The following SLC38A1 variants were observed in gnomAD, a reference collection of about 807,000 sequenced individuals.
SLC38A1 encodes sodium-coupled neutral amino acid symporter 1.
A neutral mutation model predicts 60.3 loss-of-function variants in SLC38A1; 18 were observed. The observed-to-expected ratio is 0.30, with a 90% CI of 0.21 to 0.44. SLC38A1 has a LOEUF of 0.44. Among genes scored for constraint, SLC38A1 ranks in the 20% least tolerant of loss-of-function variants. The pLI, the probability that SLC38A1 is intolerant of heterozygous loss-of-function variation, is 1.00. For missense variants in SLC38A1, 448 were observed against 587.2 expected (o/e 0.76, Z 2.45); for synonymous variants, 196 against 212.1 (o/e 0.92, Z 0.66).
intron 1 of SLC38A1, among the ~76,000 whole-genome samples, chr12:46,264,868 G>A (rs1942304957): frequency 6.6e-6 from 1 of 152,086 alleles, no homozygotes; most frequent in South Asian, 2.1e-4. Context: ...ATTCTTCAAA[G>A]TACTTCTGTG....
chr12:46,237,292 G>A (rs1376987628), intron 3 of SLC38A1, among the ~76,000 whole-genome samples: 1 of 152,192 alleles, frequency 6.6e-6, no homozygotes, highest in Non-Finnish European at 1.5e-5. Context: ...TTTAGGTGTA[G>A]TTTTTGCAGG....
intron 5 of SLC38A1, among the ~76,000 whole-genome samples, chr12:46,220,494 A>G (rs78770976): frequency 0.026 from 3,955 of 152,304 alleles, 78 homozygotes; most frequent in Admixed American, 0.035. Flanking sequence ...GGGTTTCCTT[A>G]TTGACTTCCT....
intron 3 of SLC38A1, among the ~76,000 whole-genome samples, chr12:46,231,103 G>A (rs1183718947): frequency 7.5e-6 from 1 of 132,924 alleles, no homozygotes; most frequent in African/African-American, 2.6e-5. Context: ...TGTATACCAC[G>A]GAATACTATG....
chr12:46,232,889 G>T (rs1941128309), intron 3 of SLC38A1, among the ~76,000 whole-genome samples: 1 of 151,958 alleles, frequency 6.6e-6, no homozygotes, highest in Admixed American at 6.5e-5. Context: ...TTTTAAATTT[G>T]CATTTTTTAA....
chr12:46,194,655 T>C (rs1592061319), intron 16 of SLC38A1, among the ~76,000 whole-genome samples: 1 of 152,216 alleles, frequency 6.6e-6, no homozygotes, highest in East Asian at 1.9e-4. Flanking sequence ...TTCTGTATTC[T>C]TCTCACTTTA....
intron 1 of SLC38A1, among the ~76,000 whole-genome samples, chr12:46,253,567 T>TA (rs1941929687): frequency 6.6e-6 from 1 of 152,222 alleles, no homozygotes; most frequent in Admixed American, 6.5e-5. Context: ...TGGTGGGTTT[T>TA]AGCCAGCTTC....
chr12:46,259,328 C>G (rs1942129152), intron 1 of SLC38A1, among the ~76,000 whole-genome samples: 1 of 152,122 alleles, frequency 6.6e-6, no homozygotes, highest in Non-Finnish European at 1.5e-5. Flanking sequence ...TAACATGGAT[C>G]TATATTTCAA....
intron 11 of SLC38A1, 80 bp from the exon 12 acceptor site, chr12:46,203,169 CTTTTT>C: frequency 8.6e-7 from 1 of 1,156,784 alleles, no homozygotes; most frequent in Non-Finnish European, 1.3e-6. Flanking sequence ...TCTGAGCTGT[CTTTTT>C]ATCTGACAGC....
In SLC38A1 at chr12:46,189,020, A is replaced by G. The variant is rs747873149; in HGVS notation, c.1414T>C (p.Leu472=). The part of the protein sequence containing the change: ...GVLFSLVSIP[L]VIYDWACSSS... ...GAGCAGGCCCAGTCATAGATGACCA[A>G]GGGAATGCTGACCAAGGAGAACAAC... The change falls in exon 17 of 17, where the codon TTG becomes CTG. Residue 472 remains leucine (L), a synonymous_variant. Coordinates refer to ENST00000398637, the MANE Select transcript of SLC38A1 (RefSeq NM_030674.4). The G allele has an allele frequency of 2.7e-5, 43 of 1,613,874 alleles. No individual in the cohort carries two copies. Among genetic ancestry groups the G allele is most frequent in the Non-Finnish European group, 3.6e-5 (42 of 1,179,848 alleles).
intron 1 of SLC38A1, among the ~76,000 whole-genome samples, chr12:46,251,852 G>T (rs1431679526): frequency 6.6e-6 from 1 of 152,110 alleles, no homozygotes; most frequent in Non-Finnish European, 1.5e-5. Context: ...AGGCTGGAGA[G>T]GATGTGGAGA....
rs1307420531 is a variant in SLC38A1 at position 46,188,498 on chromosome 12, A to G, written c.*472T>C. ...AACCAAAATAGGCAAATTATTTACG[A>G]AACCATTTTTTTCTGTAAAGCAAAA... On this transcript the variant is annotated 3_prime_UTR_variant, in exon 17 of 17. Coordinates refer to ENST00000398637, the MANE Select transcript of SLC38A1 (RefSeq NM_030674.4). The G allele has an allele frequency of 2.6e-5, 4 of 153,184 alleles. No homozygotes were observed. In the East Asian group the frequency reaches 7.7e-4, roughly 29 times the overall value. 9.5% of individuals were successfully genotyped at this position (153,184 alleles called of 1,614,324 possible).
At chr12:46,232,332 C>A (rs981698155) in intron 3 of SLC38A1, among the ~76,000 whole-genome samples, 2 of 152,174 alleles carry the variant, frequency 1.3e-5, no homozygotes, top group East Asian at 1.9e-4. Flanking sequence ...AAGGAAAAAA[C>A]CAGCACAGAC....
chr12:46,186,799 A>C lies in SLC38A1; in HGVS notation c.*2171T>G, dbSNP rs1035417969. On this transcript the variant is annotated 3_prime_UTR_variant, in exon 17 of 17. Transcript: ENST00000398637. ...CAGTTAATGATAAGGTTCTAAATTGACTTTGTGAGGGTAAAATGAATTGCT... is the reference window on the plus strand; with the variant it reads ...CAGTTAATGATAAGGTTCTAAATTGCCTTTGTGAGGGTAAAATGAATTGCT... 2 of 152,222 alleles carry C rather than the reference A, an allele frequency of 1.3e-5. No homozygotes were observed. Among genetic ancestry groups the C allele is most frequent in the African/African-American group, 4.8e-5 (2 of 41,468 alleles). 9.4% of individuals were successfully genotyped at this position (152,222 alleles called of 1,614,324 possible). A position where few individuals can be genotyped will look rare whatever the true frequency, so the allele number is the denominator to read the frequency against.
intron 3 of SLC38A1, 62 bp from the exon 4 acceptor site, chr12:46,229,701 C>T: frequency 2.9e-6 from 4 of 1,374,944 alleles, no homozygotes; most frequent in Non-Finnish European, 4.1e-6. Context: ...GACATCTTTA[C>T]TAAATGATAT....
In SLC38A1 at chr12:46,239,857, A is replaced by T; in HGVS notation, c.-57T>A. ...TCCAAATTTCTCCTGTTCTGAGTGT[A>T]TTTAGAAGTAGATACCAAAATGGAA... On this transcript the variant is annotated 5_prime_UTR_variant, in exon 3 of 17. Transcript: ENST00000398637. 1.3e-6 allele frequency: 2 copies of T among 1,584,814 alleles called. No individual in the cohort carries two copies. The highest frequency in any genetic ancestry group is 1.7e-6 in the Non-Finnish European group (2 of 1,161,092).
chr12:46,192,925 A>C (rs1007736384), intron 16 of SLC38A1, among the ~76,000 whole-genome samples: 1 of 151,934 alleles, frequency 6.6e-6, no homozygotes, highest in African/African-American at 2.4e-5. Context: ...TTGTATCTCT[A>C]TCTCCTTCAA....
At chr12:46,196,032 A>G in intron 16 of SLC38A1, 6 of 986,112 alleles carry the variant, frequency 6.1e-6, no homozygotes, top group African/African-American at 1.6e-5. Context: ...CATCTTCTAC[A>G]TCGATCTTGC....
At chr12:46,216,116 C>A (rs147462531) in intron 5 of SLC38A1, among the ~76,000 whole-genome samples, 5 of 152,150 alleles carry the variant, frequency 3.3e-5, no homozygotes, top group African/African-American at 1.2e-4. Context: ...TTCTAGTCTA[C>A]CTTTCTCAAG....
At chr12:46,230,753 A>T (rs1337699915) in intron 3 of SLC38A1, among the ~76,000 whole-genome samples, 3 of 152,330 alleles carry the variant, frequency 2.0e-5, no homozygotes, top group Admixed American at 6.5e-5. Flanking sequence ...TTTCTAATTT[A>T]AAAAAATTAT....
Sources: allele counts gnomAD v4.1 joint callset (sites outside exome capture counted in the v4.1 genomes callset), GRCh38; gene constraint gnomAD v4.1.1; transcripts MANE v1.5; gene names NCBI Gene and HGNC (gene_info 2026-07-23, HGNC 2026-07-21).